KCNG3: variants seen among roughly 807,000 people sequenced by gnomAD.
KCNG3 encodes potassium voltage-gated channel modifier subfamily G member 3.
A neutral mutation model predicts 29.0 loss-of-function variants in KCNG3; 15 were observed. The observed-to-expected ratio is 0.52, with a 90% confidence interval of 0.35 to 0.80. The LOEUF (loss-of-function observed/expected upper bound fraction) is 0.80, where lower values mean the gene tolerates loss of function less well. Among genes scored for constraint, KCNG3 ranks in the 30% least tolerant of loss-of-function variants. The pLI is 0.01. For synonymous variants in KCNG3, 322 were observed against 248.9 expected, an observed-to-expected ratio of 1.29 and a Z score of -2.76; for missense variants, 512 against 605.7, an observed-to-expected ratio of 0.85 and a Z score of 1.62.
the KCNG3 span, among the ~76,000 whole-genome samples, chr2:42,391,893 C>T: frequency 2.0e-5 from 3 of 152,074 alleles, no homozygotes; most frequent in South Asian, 2.1e-4. Context: ...TGAGCCACCG[C>T]GCCCGGCCTA....
chr2:42,421,605 T>C, the KCNG3 span, among the ~76,000 whole-genome samples: 3 of 152,210 alleles, frequency 2.0e-5, no homozygotes, highest in Non-Finnish European at 4.4e-5. Context: ...TCTGATCATA[T>C]CAAAATTTTC....
At chr2:42,448,348 T>C (rs1572842020) in intron 1 of KCNG3, among the ~76,000 whole-genome samples, 1 of 22,254 alleles carries the variant, frequency 4.5e-5, no homozygotes, top group Admixed American at 6.8e-4. Context: ...TTCCCACTTA[T>C]TTATTTATTT....
Position 42,443,910 on chromosome 2 carries a change from A to T in KCNG3, c.*24T>A. 1 of 1,580,662 alleles carries T rather than the reference A, an allele frequency of 6.3e-7. No individual in the cohort carries two copies. Among genetic ancestry groups the T allele is most frequent in the Non-Finnish European group, 8.6e-7 (1 of 1,162,920 alleles). On this transcript the variant is annotated 3_prime_UTR_variant, in exon 2 of 2. Transcript: ENST00000306078. ...GCATCAAAGTCTTTCTATGAAGTGTATGCAAGAATTGATTTGCAATGCATT... is the reference window on the plus strand; with the variant it reads ...GCATCAAAGTCTTTCTATGAAGTGTTTGCAAGAATTGATTTGCAATGCATT...
chr2:42,490,313 C>T lies in KCNG3; in HGVS notation c.665+2524G>A, dbSNP rs558774486. Among the ~76,000 whole-genome samples the T allele has an allele frequency of 3.9e-4, 59 of 152,198 alleles. 1 individual carries two copies. The highest frequency in any genetic ancestry group is 6.6e-4 in the Admixed American group (10 of 15,266). On this transcript the variant is annotated intron_variant, in intron 1 of 1. Coordinates refer to ENST00000306078, the MANE Select transcript of KCNG3 (RefSeq NM_133329.6). ...CTCCCTGGCCAGGCGCGGTGGCTCA[C>T]GCCTGTAGTCCTAGCACTTTGGAAG...
the KCNG3 span, among the ~76,000 whole-genome samples, chr2:42,431,503 T>C: frequency 2.0e-5 from 3 of 152,188 alleles, no homozygotes; most frequent in African/African-American, 7.2e-5. Context: ...TGTACAAAAT[T>C]AGAGAACTGT....
the KCNG3 span, among the ~76,000 whole-genome samples, chr2:42,432,036 C>CAG: frequency 2.6e-5 from 3 of 113,646 alleles, no homozygotes; most frequent in Non-Finnish European, 1.8e-5. Context: ...AAGACTCTAT[C>CAG]AAAAAAAAAA....
At chr2:42,390,505 G>A in the KCNG3 span, among the ~76,000 whole-genome samples, 18 of 152,156 alleles carry the variant, frequency 1.2e-4, no homozygotes, top group African/African-American at 3.6e-4. Flanking sequence ...ATTGCTGCAT[G>A]ACCCAATCCC....
At chr2:42,427,717 ATAATT>A in the KCNG3 span, among the ~76,000 whole-genome samples, 1 of 152,248 alleles carries the variant, frequency 6.6e-6, no homozygotes, top group African/African-American at 2.4e-5. Flanking sequence ...CTTTACATAA[ATAATT>A]TAAATAGAAT....
chr2:42,493,062 G>T lies in KCNG3; in HGVS notation c.440C>A (p.Ala147Glu), dbSNP rs765004051. 6.5e-7 allele frequency: 1 copy of T among 1,532,582 alleles called. No homozygotes were observed. The highest frequency in any genetic ancestry group is 1.2e-5 in the South Asian group (1 of 82,822). 94.9% of individuals were successfully genotyped at this position (1,532,582 alleles called of 1,614,324 possible). ...CTCCAGCCAGCGCCTGGAGGGAGCC[G>T]CCTCGGCCCCGCCGGGGCGCGCCTC... ...RDEARPGGAE[A>E]APSRRWLERM... The change falls in exon 1 of 2, where the codon GCG (alanine) becomes GAG (glutamate). Residue 147 changes from alanine (A) to glutamate (E), a missense_variant. By Grantham distance (107) the Ala-to-Glu change is moderately radical. Coordinates refer to ENST00000306078, the MANE Select transcript of KCNG3 (RefSeq NM_133329.6).
intron 1 of KCNG3, among the ~76,000 whole-genome samples, chr2:42,448,072 C>G (rs934803570): frequency 6.6e-6 from 1 of 152,162 alleles, no homozygotes; most frequent in African/African-American, 2.4e-5. Context: ...CTCTGCCACT[C>G]TGAGAGATGA....
the KCNG3 span, among the ~76,000 whole-genome samples, chr2:42,411,120 T>C: frequency 4.6e-5 from 7 of 152,304 alleles, no homozygotes; most frequent in South Asian, 1.4e-3. Context: ...ATCTTTTTGA[T>C]TTTCTGTTCT....
the KCNG3 span, among the ~76,000 whole-genome samples, chr2:42,430,546 TTTGAGACC>T: frequency 6.8e-6 from 1 of 148,002 alleles, no homozygotes; most frequent in Non-Finnish European, 1.5e-5. Context: ...GCCCGGGAGG[TTTGAGACC>T]AGCCTGGGCA....
chr2:42,390,728 T>G, the KCNG3 span, among the ~76,000 whole-genome samples: 22 of 152,218 alleles, frequency 1.4e-4, no homozygotes, highest in Non-Finnish European at 2.9e-5. Flanking sequence ...GGCCTGTTTC[T>G]CTTAGATGAC....
At chr2:42,422,743 G>A in the KCNG3 span, among the ~76,000 whole-genome samples, 1 of 152,098 alleles carries the variant, frequency 6.6e-6, no homozygotes, top group African/African-American at 2.4e-5. Context: ...CATATTTATA[G>A]CCATAGTTAT....
intron 1 of KCNG3, among the ~76,000 whole-genome samples, chr2:42,446,799 C>T (rs938343282): frequency 1.3e-5 from 2 of 151,958 alleles, no homozygotes; most frequent in Admixed American, 6.6e-5. Context: ...AATAGGTATT[C>T]ACATTCACAT....
intron 1 of KCNG3, among the ~76,000 whole-genome samples, chr2:42,467,522 G>A (rs571421873): frequency 9.2e-5 from 14 of 151,674 alleles, no homozygotes; most frequent in Non-Finnish European, 1.8e-4. Context: ...ACAAAAATGA[G>A]CCAGGCATGG....
the KCNG3 span, among the ~76,000 whole-genome samples, chr2:42,421,146 G>A: frequency 2.0e-5 from 3 of 152,176 alleles, no homozygotes; most frequent in Non-Finnish European, 4.4e-5. Context: ...CAGGGAAAAA[G>A]CACAAAAGGA....
At chr2:42,470,536 CA>C (rs772000956) in intron 1 of KCNG3, among the ~76,000 whole-genome samples, 1 of 152,054 alleles carries the variant, frequency 6.6e-6, no homozygotes, top group Non-Finnish European at 1.5e-5. Flanking sequence ...AAGATATTTG[CA>C]ATACACAATC....
chr2:42,420,966 C>G, the KCNG3 span, among the ~76,000 whole-genome samples: 3 of 152,136 alleles, frequency 2.0e-5, no homozygotes, highest in Non-Finnish European at 2.9e-5. Flanking sequence ...ACCCATTGCT[C>G]AACTGTATGT....
Sources: allele counts gnomAD v4.1 joint callset (sites outside exome capture counted in the v4.1 genomes callset), GRCh38; gene constraint gnomAD v4.1.1; transcripts MANE v1.5; gene names NCBI Gene and HGNC (gene_info 2026-07-23, HGNC 2026-07-21).